The following CLASRP variants were observed in gnomAD, a reference collection of about 807,000 sequenced individuals.
CLASRP encodes the protein CLK4 associating serine/arginine rich protein.
In CLASRP, 52 loss-of-function variants were observed where a neutral mutation model predicts 99.9. The ratio of observed to expected loss-of-function variants is 0.52; its 90% CI spans 0.42 to 0.66. CLASRP has a LOEUF of 0.66. Among genes scored for constraint, CLASRP ranks in the 30% least tolerant of loss-of-function variants. The pLI is 0.00. For missense variants in CLASRP, 848 were observed against 999.2 expected (o/e 0.85, Z 2.04); for synonymous variants, 379 against 373.0 (o/e 1.02, Z -0.18).
rs994001566 is a variant in CLASRP at position 45,070,896 on chromosome 19, C to G, written c.*51C>G. Reference sequence around the variant, plus strand: ...CAAGGGGGTGGGTAAGGGGCTCAAGCTGTGATGCTGCTGGTTTTATCTCTA... The same window carrying G: ...CAAGGGGGTGGGTAAGGGGCTCAAGGTGTGATGCTGCTGGTTTTATCTCTA... On this transcript the variant is annotated 3_prime_UTR_variant, in exon 21 of 21. Transcript: ENST00000221455. The G allele has an allele frequency of 8.3e-6, 9 of 1,090,310 alleles. No individual in the cohort carries two copies. Among genetic ancestry groups the G allele is most frequent in the Non-Finnish European group, 8.2e-6 (6 of 731,634 alleles). 67.5% of individuals were successfully genotyped at this position (1,090,310 alleles called of 1,614,324 possible). A position where few individuals can be genotyped will look rare whatever the true frequency, so the allele number is the denominator to read the frequency against.
intron 5 of CLASRP, among the ~76,000 whole-genome samples, chr19:45,053,771 G>A (rs983494302): frequency 1.3e-5 from 2 of 152,082 alleles, no homozygotes; most frequent in Non-Finnish European, 2.9e-5. Flanking sequence ...GAGCCACCAC[G>A]CCCAGCCAAG....
intron 2 of CLASRP, among the ~76,000 whole-genome samples, chr19:45,043,678 T>C (rs1971860155): frequency 6.6e-6 from 1 of 151,976 alleles, no homozygotes. Context: ...CAGAGACCGC[T>C]CTTACTTCCA....
intron 2 of CLASRP, among the ~76,000 whole-genome samples, chr19:45,042,402 C>G (rs2122523986): frequency 6.6e-6 from 1 of 151,898 alleles, no homozygotes; most frequent in East Asian, 1.9e-4. Flanking sequence ...AATGGTAATC[C>G]CAGCTACTCG....
At chr19:45,063,977 C>T (rs1417828144) in intron 11 of CLASRP, 35 bp from the exon 12 acceptor site, 4 of 1,570,284 alleles carry the variant, frequency 2.5e-6, no homozygotes, top group Non-Finnish European at 3.5e-6. Context: ...GCTCCGGGAG[C>T]CTGAGCTAGT....
At chr19:45,053,412 C>T (rs1972064075) in intron 5 of CLASRP, among the ~76,000 whole-genome samples, 2 of 152,096 alleles carry the variant, frequency 1.3e-5, no homozygotes, top group Admixed American at 1.3e-4. Context: ...ATATACCATG[C>T]CTTCTGACTC....
At position 45,064,463 on chromosome 19, in the gene CLASRP, C is replaced by G. The variant is rs1967028822; in HGVS notation, c.1242C>G (p.His414Gln). The change falls in exon 13 of 21, where the codon CAC (histidine) becomes CAG (glutamine). Residue 414 changes from histidine (H) to glutamine (Q), a missense_variant. Physicochemically the swap from His to Gln is conservative, Grantham distance 24 (BLOSUM62 0). Coordinates refer to ENST00000221455, the MANE Select transcript of CLASRP (RefSeq NM_007056.3). Reference sequence around the variant, plus strand: ...GGGGCTACTACCGTTCCGGCCGCCACGCCCGCTCCCGGTCCCGCTCCTGGT... The same window carrying G: ...GGGGCTACTACCGTTCCGGCCGCCAGGCCCGCTCCCGGTCCCGCTCCTGGT... ...RGGGYYRSGR[H>Q]ARSRSRSWSR... 4 of 1,528,478 alleles carry G rather than the reference C, an allele frequency of 2.6e-6. No individual in the cohort carries two copies. The highest frequency in any genetic ancestry group is 1.8e-4 in the Middle Eastern group (1 of 5,658). The allele number at this position is 1,528,478 out of a possible 1,614,324, so 94.7% of individuals were successfully genotyped here. A position where few individuals can be genotyped will look rare whatever the true frequency, so the allele number is the denominator to read the frequency against.
chr19:45,068,533 G>A lies in CLASRP; in HGVS notation c.1768+53G>A, dbSNP rs1324240810. The A allele has an allele frequency of 3.0e-6, 4 of 1,347,024 alleles. No homozygotes were observed. The Admixed American group carries it at 6.7e-5, about 23-fold the overall frequency. 83.4% of individuals were successfully genotyped at this position (1,347,024 alleles called of 1,614,324 possible). A position where few individuals can be genotyped will look rare whatever the true frequency, so the allele number is the denominator to read the frequency against. On this transcript the variant is annotated intron_variant, in intron 16 of 20. Transcript: ENST00000221455. Reference sequence around the variant, plus strand: ...TTCACAGCTCTTCTTTCCCTTGGCAGTGGGAGCAAGGAGACTCAGCACCAC... The same window carrying A: ...TTCACAGCTCTTCTTTCCCTTGGCAATGGGAGCAAGGAGACTCAGCACCAC...
At chr19:45,040,407 CAA>C in intron 2 of CLASRP, 96 bp downstream of exon 2, 3 of 773,996 alleles carry the variant, frequency 3.9e-6, no homozygotes, top group Non-Finnish European at 4.4e-6. Flanking sequence ...TATGTCAAGA[CAA>C]GAGGCTCATT....
intron 2 of CLASRP, among the ~76,000 whole-genome samples, chr19:45,043,906 G>A (rs1036893570): frequency 4.6e-5 from 7 of 151,840 alleles, no homozygotes; most frequent in African/African-American, 1.7e-4. Flanking sequence ...TTTTGAGATG[G>A]AGTCTGGCTC....
Position 45,052,861 on chromosome 19 carries a change from C to T in CLASRP, c.268C>T (p.Pro90Ser). 1.9e-6 allele frequency: 3 copies of T among 1,612,064 alleles called. No homozygotes were observed. The highest frequency in any genetic ancestry group is 2.5e-6 in the Non-Finnish European group (3 of 1,179,190). Residue 90 changes from proline (P) to serine (S), a missense_variant, in exon 4 of 21, where the codon CCC (proline) becomes TCC (serine). Physicochemically the swap from Pro to Ser is moderately conservative, Grantham distance 74. This residue lies in a region of CLASRP where 54 missense variants were observed against 38.7 expected (regional missense o/e 1.39). Transcript: ENST00000221455. Reference protein sequence around the residue: ...FDVRAHLDHIPDYTPPLLTTI... With the variant: ...FDVRAHLDHISDYTPPLLTTI... ...TGTCCGTGCCCACCTGGACCACATC[C>T]CCGACTACACCCCCCCTCTGCTCAC...
At position 45,067,923 on chromosome 19, in the gene CLASRP, C is replaced by T; in HGVS notation, c.1668-92C>T. ...GCATCTGAGGCCCATGCCTTGGCTA[C>T]CTGGTCTGAGGGCAGTGCTGAGGCT... On this transcript the variant is annotated intron_variant, in intron 14 of 20. Coordinates refer to ENST00000221455, the MANE Select transcript of CLASRP (RefSeq NM_007056.3). This position sits in a 1 kb window ranked among gnomAD's most constrained non-coding sequence, Gnocchi z 4.9. 1.0e-6 allele frequency: 1 copy of T among 972,790 alleles called. No homozygotes were observed. Among genetic ancestry groups the T allele is most frequent in the South Asian group, 1.3e-5 (1 of 77,324 alleles). The allele number at this position is 972,790 out of a possible 1,614,324, so 60.3% of individuals were successfully genotyped here.
intron 16 of CLASRP, 44 bp downstream of exon 16, chr19:45,068,524 C>G (rs541316444): frequency 1.4e-6 from 2 of 1,414,606 alleles, no homozygotes; most frequent in Non-Finnish European, 2.0e-6. Context: ...GCTCTTCTTT[C>G]CCTTGGCAGT....
chr19:45,065,680 G>A (rs780287440), intron 13 of CLASRP, among the ~76,000 whole-genome samples: 10 of 152,094 alleles, frequency 6.6e-5, no homozygotes, highest in Non-Finnish European at 1.3e-4. Context: ...CGGTCCCCTT[G>A]CCTGTTGGGG....
At chr19:45,045,615 T>C (rs1971902006) in intron 2 of CLASRP, among the ~76,000 whole-genome samples, 1 of 151,826 alleles carries the variant, frequency 6.6e-6, no homozygotes, top group African/African-American at 2.4e-5. Context: ...GGCTAAGAGG[T>C]GTAGACTTTA....
At chr19:45,068,682 G>C (rs992791925) in intron 16 of CLASRP, among the ~76,000 whole-genome samples, 1 of 152,230 alleles carries the variant, frequency 6.6e-6, no homozygotes, top group African/African-American at 2.4e-5. Context: ...TGACCTGTCT[G>C]AGCTCAGCTT....
chr19:45,047,579 C>T (rs11668052), intron 2 of CLASRP: 1 of 151,684 alleles, frequency 6.6e-6, no homozygotes, highest in African/African-American at 2.4e-5. Context: ...AAAAAAAAAC[C>T]TAAAAGAAAA....
intron 10 of CLASRP, among the ~76,000 whole-genome samples, chr19:45,061,794 C>CATCATCATCATCATCA (rs1434682327): frequency 2.7e-5 from 4 of 150,928 alleles, no homozygotes; most frequent in Non-Finnish European, 5.9e-5. Flanking sequence ...TTATCATCAT[C>CATCATCATCATCATCA]ATCATCATCA....
chr19:45,064,468 G>T lies in CLASRP; in HGVS notation c.1247G>T (p.Arg416Leu). The T allele has an allele frequency of 1.3e-6, 2 of 1,529,432 alleles. No homozygotes were observed. Among genetic ancestry groups the T allele is most frequent in the East Asian group, 4.9e-5 (2 of 40,642 alleles). 94.7% of individuals were successfully genotyped at this position (1,529,432 alleles called of 1,614,324 possible). A position where few individuals can be genotyped will look rare whatever the true frequency, so the allele number is the denominator to read the frequency against. The part of the protein sequence containing the change: ...GGYYRSGRHA[R>L]SRSRSWSRSR... ...TACTACCGTTCCGGCCGCCACGCCCGCTCCCGGTCCCGCTCCTGGTCCCGC... is the reference window on the plus strand; with the variant it reads ...TACTACCGTTCCGGCCGCCACGCCCTCTCCCGGTCCCGCTCCTGGTCCCGC... The change falls in exon 13 of 21, where the codon CGC (arginine) becomes CTC (leucine). Residue 416 changes from arginine to leucine, a missense_variant. Transcript: ENST00000221455.
At chr19:45,070,709 C>T in intron 20 of CLASRP, 94 bp from the exon 21 acceptor site, 1 of 1,321,408 alleles carries the variant, frequency 7.6e-7, no homozygotes, top group Non-Finnish European at 1.1e-6. Context: ...CTTCCCTCCA[C>T]AGACAAGTGC....
Sources: gnomAD v4.1 joint callset for allele counts (sites outside exome capture counted in the v4.1 genomes callset) on GRCh38, gnomAD v4.1.1 for gene constraint, gnomAD v4.1.1 regional missense constraint, Gnocchi (gnomAD v3.1) non-coding constraint, MANE v1.5 for transcripts, NCBI Gene and HGNC (gene_info 2026-07-23, HGNC 2026-07-21) for gene names.